Variants in FMOD observed in about 807,000 individuals in gnomAD.
The protein encoded by FMOD is KSPG fibromodulin.
In FMOD, 15 loss-of-function variants were observed where a neutral mutation model predicts 27.0. That is an observed-to-expected ratio of 0.55 (90% CI 0.37 to 0.85). The LOEUF is 0.85. Ranked by LOEUF, FMOD falls within the 40% of genes least tolerant of loss-of-function variation. The pLI is 0.00. For synonymous variants in FMOD, 210 were observed against 214.0 expected, an observed-to-expected ratio of 0.98 and a Z score of 0.16; for missense variants, 460 against 483.2, an observed-to-expected ratio of 0.95 and a Z score of 0.45.
chr1:203,348,237 G>T lies in FMOD; in HGVS notation c.34C>A (p.Leu12Ile), dbSNP rs765327348. 6.2e-7 allele frequency: 1 copy of T among 1,613,970 alleles called. No individual in the cohort carries two copies. Among genetic ancestry groups the T allele is most frequent in the African/African-American group, 1.3e-5 (1 of 74,942 alleles). The change falls in exon 2 of 3, where the codon CTC (leucine) becomes ATC (isoleucine). Residue 12 changes from leucine (L) to isoleucine (I), a missense_variant. Transcript: ENST00000354955. ...TACTGGGCCTGGGAGAGGGAGAAGA[G>T]CCCTGCCAGCAGCAGGAGGGAGGTC... ...QWTSLLLLAG[L>I]FSLSQAQYED...
intron 2 of FMOD, among the ~76,000 whole-genome samples, chr1:203,345,626 C>T (rs569147686): frequency 2.6e-5 from 4 of 152,258 alleles, no homozygotes; most frequent in Admixed American, 1.3e-4. Flanking sequence ...TGGCTGGGCG[C>T]GGTGGCTCAT....
chr1:203,348,200 G>A lies in FMOD; in HGVS notation c.71C>T (p.Pro24Leu). The A allele has an allele frequency of 6.2e-7, 1 of 1,614,198 alleles. No homozygotes were observed. The highest frequency in any genetic ancestry group is 8.5e-7 in the Non-Finnish European group (1 of 1,180,026). ...GCGGAGGTAGTGGAACCACCAATGA[G>A]GGTCATCTTCATACTGGGCCTGGGA... ...SLSQAQYEDD[P>L]HWWFHYLRSQ... is the part of the protein sequence containing the mutation. Residue 24 changes from proline to leucine, a missense_variant, in exon 2 of 3, where the codon CCT (proline) becomes CTT (leucine). Coordinates refer to ENST00000354955, the MANE Select transcript of FMOD (RefSeq NM_002023.5).
rs1571519635 is a variant in FMOD, at chr1:203,347,895, C to T, written c.376G>A (p.Asp126Asn). 6.2e-7 allele frequency: 1 copy of T among 1,613,672 alleles called. No individual in the cohort carries two copies. The highest frequency in any genetic ancestry group is 1.6e-4 in the Middle Eastern group (1 of 6,062). The change falls in exon 2 of 3, where the codon GAC (aspartate) becomes AAC (asparagine). Residue 126 changes from aspartate to asparagine, a missense_variant. Coordinates refer to ENST00000354955, the MANE Select transcript of FMOD (RefSeq NM_002023.5). ...ATCCAGAGCAGCCCTGTGGCATTGT[C>T]AAAGACGCCTTCCTGGATGGAGGTG... ...QITSIQEGVF[D>N]NATGLLWIAL...
chr1:203,347,188 G>A, intron 2 of FMOD, 104 bp downstream of exon 2: 4 of 1,387,470 alleles, frequency 2.9e-6, no homozygotes, highest in Non-Finnish European at 3.9e-6. Context: ...TGTGCTGTCT[G>A]GTTCCCCTAT....
In FMOD at chr1:203,347,333, G is replaced by C; in HGVS notation, c.938C>G (p.Thr313Ser). ...NQLQKIPPVNTNLENLYLQGN... is the reference protein window; with the variant it reads ...NQLQKIPPVNSNLENLYLQGN... ...TTGGAGGTAGAGGTTCTCCAGGTTG[G>C]TGTTGACTGGGGGGATCTTCTGCAG... Residue 313 changes from threonine (T) to serine (S), a missense_variant, in exon 2 of 3, where the codon ACC (threonine) becomes AGC (serine). Transcript: ENST00000354955. 1 of 1,613,962 alleles carries C rather than the reference G, an allele frequency of 6.2e-7. No homozygotes were observed. Among genetic ancestry groups the C allele is most frequent in the South Asian group, 1.1e-5 (1 of 91,056 alleles).
chr1:203,348,743 A>G (rs749967559), intron 1 of FMOD, among the ~76,000 whole-genome samples: 1 of 152,258 alleles, frequency 6.6e-6, no homozygotes, highest in Non-Finnish European at 1.5e-5. Context: ...TAAGAGTCCA[A>G]GGAGAAAGCC....
At position 203,348,148 on chromosome 1, in the gene FMOD, G is replaced by T. The variant is rs748237704; in HGVS notation, c.123C>A (p.Pro41=). 2 of 1,614,208 alleles carry T rather than the reference G, an allele frequency of 1.2e-6. No homozygotes were observed. Among genetic ancestry groups the T allele is most frequent in the African/African-American group, 1.3e-5 (1 of 75,048 alleles). The change falls in exon 2 of 3, where the codon CCC becomes CCA. Residue 41 remains proline (P), a synonymous_variant. Coordinates refer to ENST00000354955, the MANE Select transcript of FMOD (RefSeq NM_002023.5). ...LRSQQSTYYD[P]YDPYPYETYE... is the part of the protein sequence containing the mutation. Reference sequence around the variant, plus strand: ...AGGTCTCATACGGGTAAGGGTCATAGGGATCGTAGTAGGTGGACTGCTGGC... The same window carrying T: ...AGGTCTCATACGGGTAAGGGTCATATGGATCGTAGTAGGTGGACTGCTGGC...
Position 203,342,230 on chromosome 1 carries a change from G to T in FMOD, c.*113C>A. On this transcript the variant is annotated 3_prime_UTR_variant, in exon 3 of 3. Coordinates refer to ENST00000354955, the MANE Select transcript of FMOD (RefSeq NM_002023.5). ...TACAGGAAAGAAGACTACAGAGGGT[G>T]CCCGTGGACTTCTGTCACATGGTCC... 1.5e-6 allele frequency: 2 copies of T among 1,312,236 alleles called. No individual in the cohort carries two copies. The highest frequency in any genetic ancestry group is 1.0e-6 in the Non-Finnish European group (1 of 960,480). The allele number at this position is 1,312,236 out of a possible 1,614,324, so 81.3% of individuals were successfully genotyped here. A position where few individuals can be genotyped will look rare whatever the true frequency, so the allele number is the denominator to read the frequency against.
intron 1 of FMOD, 31 bp from the exon 2 acceptor site, chr1:203,348,308 C>A (rs770358969): frequency 6.3e-7 from 1 of 1,590,162 alleles, no homozygotes; most frequent in East Asian, 2.2e-5. Context: ...CAGAGCAAGC[C>A]AGCATGAGTG....
chr1:203,348,411 C>T, intron 1 of FMOD, 134 bp from the exon 2 acceptor site: 1 of 916,258 alleles, frequency 1.1e-6, no homozygotes, highest in South Asian at 1.7e-5. Flanking sequence ...AGAGCAGGAG[C>T]CTTGCTCTCA....
chr1:203,348,126 T>C lies in FMOD; in HGVS notation c.145A>G (p.Thr49Ala), dbSNP rs965718572. ...YDPYDPYPYE[T>A]YEPYPYGVDE... ...ACCCCATAGGGGTAAGGCTCGTAGG[T>C]CTCATACGGGTAAGGGTCATAGGGA... The change falls in exon 2 of 3, where the codon ACC becomes GCC. Residue 49 changes from threonine (T) to alanine (A), a missense_variant. Transcript: ENST00000354955. 3 of 1,613,988 alleles carry C rather than the reference T, an allele frequency of 1.9e-6. No individual in the cohort carries two copies. The African/African-American group carries it at 4.0e-5, about 22-fold the overall frequency.
In FMOD at chr1:203,342,186, C is replaced by A. The variant is rs548602984; in HGVS notation, c.*157G>T. On this transcript the variant is annotated 3_prime_UTR_variant, in exon 3 of 3. Coordinates refer to ENST00000354955, the MANE Select transcript of FMOD (RefSeq NM_002023.5). ...CAGCAGAAGGCTGCCTGTCCCTGAT[C>A]GCCCCCCCTAACCCCACCTACAGGA... 1.2e-6 allele frequency: 1 copy of A among 829,496 alleles called. No homozygotes were observed. Among genetic ancestry groups the A allele is most frequent in the East Asian group, 2.8e-5 (1 of 35,494 alleles). The allele number at this position is 829,496 out of a possible 1,614,324, so 51.4% of individuals were successfully genotyped here.
At chr1:203,343,681 C>T (rs1441548374) in intron 2 of FMOD, among the ~76,000 whole-genome samples, 2 of 152,130 alleles carry the variant, frequency 1.3e-5, no homozygotes, top group Admixed American at 6.5e-5. Flanking sequence ...TCAGGAGGTG[C>T]GTCAGTCTGG....
intron 1 of FMOD, among the ~76,000 whole-genome samples, chr1:203,350,213 G>A (rs1658966813): frequency 6.6e-6 from 1 of 152,210 alleles, no homozygotes; most frequent in Non-Finnish European, 1.5e-5. Flanking sequence ...AGCCATGGGT[G>A]CTGAAAGGGT....
chr1:203,348,077 TA>T lies in FMOD; in HGVS notation c.193del (p.Tyr65ThrfsTer43). On this transcript the variant is annotated frameshift_variant, in exon 2 of 3. Coordinates refer to ENST00000354955, the MANE Select transcript of FMOD (RefSeq NM_002023.5). LOFTEE classifies it high-confidence loss of function. ...YGVDEGPAYT[Y>X]GSPSPPDPRD... ...GGGATCTGGAGGGGATGGAGAGCCG[TA>T]GGTGTAGGCTGGCCCTTCATCCACC... The T allele has an allele frequency of 6.2e-7, 1 of 1,613,906 alleles. No homozygotes were observed. The highest frequency in any genetic ancestry group is 1.1e-5 in the South Asian group (1 of 91,060).
chr1:203,346,658 G>A (rs1319901941), intron 2 of FMOD, among the ~76,000 whole-genome samples: 2 of 152,044 alleles, frequency 1.3e-5, no homozygotes, highest in Admixed American at 6.6e-5. Context: ...AACAAGTGCC[G>A]CATTCAGCTC....
intron 1 of FMOD, among the ~76,000 whole-genome samples, chr1:203,350,760 C>T (rs1658984095): frequency 6.6e-6 from 1 of 152,186 alleles, no homozygotes; most frequent in Non-Finnish European, 1.5e-5. Flanking sequence ...AAGAAGCTTC[C>T]CTAGACAGAG....
intron 2 of FMOD, among the ~76,000 whole-genome samples, chr1:203,342,869 C>T (rs1377769514): frequency 1.3e-5 from 2 of 152,066 alleles, no homozygotes; most frequent in African/African-American, 2.4e-5. Flanking sequence ...CCGTAGACAC[C>T]TTGAAATACT....
intron 2 of FMOD, among the ~76,000 whole-genome samples, chr1:203,344,868 A>G (rs1658859422): frequency 6.6e-6 from 1 of 152,178 alleles, no homozygotes; most frequent in East Asian, 1.9e-4. Flanking sequence ...GCCTGGCTCT[A>G]GGTCCTTTAG....
Sources: gnomAD v4.1 joint callset for allele counts (sites outside exome capture counted in the v4.1 genomes callset) on GRCh38, gnomAD v4.1.1 for gene constraint, MANE v1.5 for transcripts, NCBI Gene and HGNC (gene_info 2026-07-23, HGNC 2026-07-21) for gene names.